The following CCND2 variants were observed in gnomAD, a reference collection of about 807,000 sequenced individuals.
CCND2 encodes cyclin D2, also known as G1/S-specific cyclin-D2.
In CCND2, 6 loss-of-function variants were observed where a neutral mutation model predicts 30.2. The ratio of observed to expected loss-of-function variants is 0.20; its 90% CI spans 0.11 to 0.39. The LOEUF is 0.39. Ranked by LOEUF, CCND2 falls within the 10% of genes least tolerant of loss-of-function variation. The pLI is 1.00. For missense variants in CCND2, 235 were observed against 373.4 expected, an observed-to-expected ratio of 0.63 and a Z score of 3.06; for synonymous variants, 150 against 153.1, an observed-to-expected ratio of 0.98 and a Z score of 0.15.
In CCND2 at chr12:4,300,416, G is replaced by C. The variant is rs1591651835; in HGVS notation, c.*407G>C. 4.2e-6 allele frequency: 1 copy of C among 239,782 alleles called. No individual in the cohort carries two copies. The highest frequency in any genetic ancestry group is 2.2e-5 in the African/African-American group (1 of 45,484). The allele number at this position is 239,782 out of a possible 1,614,324, so 14.9% of individuals were successfully genotyped here. On this transcript the variant is annotated 3_prime_UTR_variant, in exon 5 of 5. Coordinates refer to ENST00000261254, the MANE Select transcript of CCND2 (RefSeq NM_001759.4). The stretch of plus-strand genomic sequence containing the variant: ...CCTTGTAGTATAATTTCAAGGAACT[G>C]TGTACGCCATTTATGGCATGATTAG...
At chr12:4,279,303 A>G (rs1863915899) in intron 3 of CCND2, among the ~76,000 whole-genome samples, 3 of 152,088 alleles carry the variant, frequency 2.0e-5, no homozygotes, top group African/African-American at 7.2e-5. Flanking sequence ...GGAAATCTCG[A>G]GGGGGATGGG....
chr12:4,297,266 G>C (rs986401199), intron 4 of CCND2, among the ~76,000 whole-genome samples: 1 of 152,058 alleles, frequency 6.6e-6, no homozygotes, highest in African/African-American at 2.4e-5. Context: ...AAATGCAAGT[G>C]CCCCTAGAAA....
chr12:4,280,295 T>G (rs1289067825), intron 3 of CCND2, among the ~76,000 whole-genome samples: 1 of 152,272 alleles, frequency 6.6e-6, no homozygotes, highest in Admixed American at 6.5e-5. Flanking sequence ...TGGCTTTCCT[T>G]TTCTGGCTGC....
chr12:4,299,844 T>C lies in CCND2; in HGVS notation c.721-16T>C, dbSNP rs1322120963. 3 of 1,612,526 alleles carry C rather than the reference T, an allele frequency of 1.9e-6. No homozygotes were observed. In the African/African-American group the frequency reaches 4.0e-5, roughly 22 times the overall value. On this transcript the variant is annotated splice_polypyrimidine_tract_variant and intron_variant, in intron 4 of 4. Transcript: ENST00000261254. This position sits in a 1 kb window ranked among gnomAD's most constrained non-coding sequence, Gnocchi z 5.2. The stretch of plus-strand genomic sequence containing the variant: ...GTTCCTCTTACTAACAACTCTGGTC[T>C]GGACCATTGTTCTAGGATTGTCTCA...
chr12:4,290,501 A>G (rs190367291), intron 4 of CCND2, among the ~76,000 whole-genome samples: 69 of 152,330 alleles, frequency 4.5e-4, no homozygotes, highest in African/African-American at 1.6e-3. Flanking sequence ...CCTTACAAAT[A>G]GGACTCTCAG....
rs950253143 is a variant in CCND2 at position 4,301,631 on chromosome 12, C to T, written c.*1622C>T. On this transcript the variant is annotated 3_prime_UTR_variant, in exon 5 of 5. Coordinates refer to ENST00000261254, the MANE Select transcript of CCND2 (RefSeq NM_001759.4). ...TGTTTCATAGTATGAGGGTTGAAGA[C>T]GGAAAACAATCTAAGGGTCTCTCAT... 3.0e-5 allele frequency: 7 copies of T among 230,394 alleles called. No individual in the cohort carries two copies. Among genetic ancestry groups the T allele is most frequent in the Non-Finnish European group, 5.1e-5 (6 of 116,966 alleles). 14.3% of individuals were successfully genotyped at this position (230,394 alleles called of 1,614,324 possible). A position where few individuals can be genotyped will look rare whatever the true frequency, so the allele number is the denominator to read the frequency against.
chr12:4,286,164 T>C (rs1864019925), intron 3 of CCND2, among the ~76,000 whole-genome samples: 1 of 152,222 alleles, frequency 6.6e-6, no homozygotes, highest in Admixed American at 6.5e-5. Context: ...GAACAATATT[T>C]ACTCTTAACG....
At chr12:4,298,492 C>T (rs1864205289) in intron 4 of CCND2, among the ~76,000 whole-genome samples, 1 of 152,210 alleles carries the variant, frequency 6.6e-6, no homozygotes, top group Non-Finnish European at 1.5e-5. Context: ...AGCTTCCCGC[C>T]TCAGCCTCCC....
Position 4,274,891 on chromosome 12 carries a change from A to G in CCND2, c.195+656A>G, listed in dbSNP as rs1235198781. ...GCTCTGGACCTGCCGTGGTTTCGCCATGTTGCTTTGCAAACTCCCTTTGGA... is the reference window on the plus strand; with the variant it reads ...GCTCTGGACCTGCCGTGGTTTCGCCGTGTTGCTTTGCAAACTCCCTTTGGA... On this transcript the variant is annotated intron_variant, in intron 1 of 4. Transcript: ENST00000261254. This position sits in a 1 kb window ranked among gnomAD's most constrained non-coding sequence, Gnocchi z 7.7. 1 of 152,340 alleles carries G rather than the reference A, an allele frequency of 6.6e-6. No individual in the cohort carries two copies. Among genetic ancestry groups the G allele is most frequent in the Non-Finnish European group, 1.5e-5 (1 of 68,158 alleles). The allele number at this position is 152,340 out of a possible 1,614,324, so 9.4% of individuals were successfully genotyped here.
intron 4 of CCND2, among the ~76,000 whole-genome samples, chr12:4,297,588 A>G (rs796084052): frequency 1.3e-5 from 2 of 148,862 alleles, no homozygotes; most frequent in East Asian, 2.0e-4. Context: ...AAAAAAAAAA[A>G]AAAAAAAAAC....
At position 4,297,852 on chromosome 12, in the gene CCND2, G is replaced by A. The variant is rs772155685; in HGVS notation, c.721-2008G>A. 248 of 453,316 alleles carry A rather than the reference G, an allele frequency of 5.5e-4. 2 individuals carry two copies. The highest frequency in any genetic ancestry group is 9.8e-4 in the Middle Eastern group (3 of 3,054). 28.1% of individuals were successfully genotyped at this position (453,316 alleles called of 1,614,324 possible). A position where few individuals can be genotyped will look rare whatever the true frequency, so the allele number is the denominator to read the frequency against. The stretch of plus-strand genomic sequence containing the variant: ...TAGCAAGTCCCAGAGGCCAGCGCCC[G>A]ACTCCATTTCAGCCTCGTTCAGGGT... On this transcript the variant is annotated intron_variant, in intron 4 of 4. Coordinates refer to ENST00000261254, the MANE Select transcript of CCND2 (RefSeq NM_001759.4).
intron 4 of CCND2, among the ~76,000 whole-genome samples, chr12:4,298,143 T>C (rs547410536): frequency 2.6e-5 from 4 of 152,212 alleles, no homozygotes; most frequent in African/African-American, 9.7e-5. Context: ...CTCTGATTAT[T>C]TTGTGGGGAA....
In CCND2 at chr12:4,274,243, G is replaced by A. The variant is rs1276936726; in HGVS notation, c.195+8G>A. 2 of 1,612,304 alleles carry A rather than the reference G, an allele frequency of 1.2e-6. No homozygotes were observed. Among genetic ancestry groups the A allele is most frequent in the Non-Finnish European group, 1.7e-6 (2 of 1,178,792 alleles). On this transcript the variant is annotated splice_region_variant and intron_variant, in intron 1 of 4. Transcript: ENST00000261254. This position sits in a 1 kb window ranked among gnomAD's most constrained non-coding sequence, Gnocchi z 7.7. ...GCCACCTGGATGCTGGAGGTAGGTC[G>A]GGGGGTGGCGCTCGCCAGGAGCCAG...
intron 4 of CCND2, among the ~76,000 whole-genome samples, chr12:4,294,733 C>T (rs934333212): frequency 6.6e-5 from 10 of 152,330 alleles, no homozygotes; most frequent in East Asian, 3.9e-4. Context: ...AGCTGGGAAA[C>T]GAGGGCATTT....
chr12:4,291,426 C>T (rs958644793), intron 4 of CCND2, among the ~76,000 whole-genome samples: 3 of 151,972 alleles, frequency 2.0e-5, no homozygotes, highest in Admixed American at 6.5e-5. Flanking sequence ...TTCCTTCATT[C>T]GTTTCTGGAA....
At chr12:4,286,501 A>G (rs1037539041) in intron 3 of CCND2, among the ~76,000 whole-genome samples, 3 of 152,172 alleles carry the variant, frequency 2.0e-5, no homozygotes, top group African/African-American at 7.2e-5. Context: ...AGCGGGCAAC[A>G]GAGGGCAGCA....
rs1219873860 is a variant in CCND2, at chr12:4,301,373, G to A, written c.*1364G>A. The A allele has an allele frequency of 4.5e-6, 1 of 223,800 alleles. No homozygotes were observed. The highest frequency in any genetic ancestry group is 8.7e-6 in the Non-Finnish European group (1 of 115,544). 13.9% of individuals were successfully genotyped at this position (223,800 alleles called of 1,614,324 possible). On this transcript the variant is annotated 3_prime_UTR_variant, in exon 5 of 5. Transcript: ENST00000261254. Reference sequence around the variant, plus strand: ...TTTCCGTTTTTTTTTTTTTATTGTTGTTGTTAATTTTATTGCAAAGTTGTA... The same window carrying A: ...TTTCCGTTTTTTTTTTTTTATTGTTATTGTTAATTTTATTGCAAAGTTGTA...
chr12:4,277,748 C>G (rs953712956), intron 2 of CCND2, among the ~76,000 whole-genome samples: 10 of 152,202 alleles, frequency 6.6e-5, no homozygotes, highest in Non-Finnish European at 1.5e-4. Context: ...GCTGGTTTAG[C>G]AAATGAAAGA....
At position 4,302,376 on chromosome 12, in the gene CCND2, G is replaced by A. The variant is rs1864261771; in HGVS notation, c.*2367G>A. On this transcript the variant is annotated 3_prime_UTR_variant, in exon 5 of 5. Coordinates refer to ENST00000261254, the MANE Select transcript of CCND2 (RefSeq NM_001759.4). ...AAACAGACTAAAAAGAATTCCACCAGGCTGTTTGGAGATCCTCATCTTGGA... is the reference window on the plus strand; with the variant it reads ...AAACAGACTAAAAAGAATTCCACCAAGCTGTTTGGAGATCCTCATCTTGGA... 1 of 233,164 alleles carries A rather than the reference G, an allele frequency of 4.3e-6. No individual in the cohort carries two copies. Among genetic ancestry groups the A allele is most frequent in the Non-Finnish European group, 8.5e-6 (1 of 117,970 alleles). The allele number at this position is 233,164 out of a possible 1,614,324, so 14.4% of individuals were successfully genotyped here.
Sources: gnomAD v4.1 joint callset for allele counts (sites outside exome capture counted in the v4.1 genomes callset) on GRCh38, gnomAD v4.1.1 for gene constraint, Gnocchi (gnomAD v3.1) non-coding constraint, MANE v1.5 for transcripts, NCBI Gene and HGNC (gene_info 2026-07-23, HGNC 2026-07-21) for gene names.